The following GEMIN7 variants were observed in gnomAD, a reference collection of about 807,000 sequenced individuals.
GEMIN7 encodes the protein gem-associated protein 7.
In GEMIN7, 7 loss-of-function variants were observed where a neutral mutation model predicts 7.8. The ratio of observed to expected loss-of-function variants is 0.90; its 90% CI spans 0.51 to 1.69. The LOEUF (loss-of-function observed/expected upper bound fraction) is 1.69, where lower values mean the gene tolerates loss of function less well. GEMIN7 is among the 40% of genes most tolerant of loss of function. The pLI, the probability that GEMIN7 is intolerant of heterozygous loss-of-function variation, is 0.00. For missense variants in GEMIN7, 159 were observed against 176.2 expected (o/e 0.90, Z 0.55); for synonymous variants, 68 against 72.4 (o/e 0.94, Z 0.31).
intron 2 of GEMIN7, among the ~76,000 whole-genome samples, chr19:45,086,223 A>G (rs1333513510): frequency 6.6e-6 from 1 of 151,618 alleles, no homozygotes; most frequent in African/African-American, 2.4e-5. Context: ...AGGTGGCACC[A>G]CTGCACTCCG....
At chr19:45,079,712 A>G (rs1263146840) in intron 1 of GEMIN7, among the ~76,000 whole-genome samples, 195 bp from the exon 2 acceptor site, 3 of 152,118 alleles carry the variant, frequency 2.0e-5, no homozygotes. Context: ...AAGGAGAGCA[A>G]TGGGTGGTCA....
At chr19:45,087,424 T>C (rs1194608766) in intron 2 of GEMIN7, among the ~76,000 whole-genome samples, 1 of 152,082 alleles carries the variant, frequency 6.6e-6, no homozygotes, top group Non-Finnish European at 1.5e-5. Flanking sequence ...ATTATAGGCA[T>C]GCGCCGCCAT....
chr19:45,080,095 T>A (rs1032875045), intron 2 of GEMIN7, 66 bp downstream of exon 2: 3 of 152,354 alleles, frequency 2.0e-5, no homozygotes, highest in Middle Eastern at 3.3e-3. Context: ...CAGACTAGTT[T>A]TTCAAGTCGT....
chr19:45,080,298 C>T (rs768323810), intron 2 of GEMIN7, among the ~76,000 whole-genome samples: 1 of 152,108 alleles, frequency 6.6e-6, no homozygotes, highest in Non-Finnish European at 1.5e-5. Context: ...CACAGTCTGC[C>T]TTTCTACATG....
intron 2 of GEMIN7, among the ~76,000 whole-genome samples, chr19:45,086,477 C>T (rs955752861): frequency 1.3e-5 from 2 of 152,158 alleles, no homozygotes; most frequent in African/African-American, 4.8e-5. Context: ...TCCCTATACA[C>T]ATTCAACATC....
upstream of GEMIN7, chr19:45,079,112 G>C (rs1967414671): frequency 6.6e-6 from 1 of 152,256 alleles, no homozygotes. Flanking sequence ...CCGCGGGCCA[G>C]GTGGCGACCC....
intron 1 of GEMIN7, 149 bp downstream of exon 1, chr19:45,079,526 GA>G (rs1967427678): frequency 6.6e-6 from 1 of 152,266 alleles, no homozygotes; most frequent in Admixed American, 6.5e-5. Flanking sequence ...TTCCCCTCCG[GA>G]AAATAATAAA....
chr19:45,083,137 T>C (rs1967557212), intron 2 of GEMIN7, among the ~76,000 whole-genome samples: 1 of 152,056 alleles, frequency 6.6e-6, no homozygotes, highest in African/African-American at 2.4e-5. Flanking sequence ...AAAAATAAAA[T>C]AAAGTTAAAA....
upstream of GEMIN7, among the ~76,000 whole-genome samples, chr19:45,077,864 CTTTT>C (rs879531338): frequency 6.9e-6 from 1 of 145,190 alleles, no homozygotes; most frequent in Non-Finnish European, 1.5e-5. Context: ...TCTGATCACC[CTTTT>C]TTTTTTTGTA....
chr19:45,084,700 C>T (rs1191129879), intron 2 of GEMIN7, among the ~76,000 whole-genome samples: 7 of 152,200 alleles, frequency 4.6e-5, no homozygotes, highest in African/African-American at 1.7e-4. Flanking sequence ...GCCTCAGCCT[C>T]CTGAGTAGGC....
intron 2 of GEMIN7, among the ~76,000 whole-genome samples, chr19:45,089,775 T>G (rs1199964733): frequency 6.6e-6 from 1 of 152,192 alleles, no homozygotes; most frequent in Non-Finnish European, 1.5e-5. Context: ...TGCCTTGGCC[T>G]CCCAAAGGGC....
chr19:45,084,817 G>A lies in GEMIN7; in HGVS notation c.-9+4788G>A, dbSNP rs558730984. On this transcript the variant is annotated intron_variant, in intron 2 of 2. Transcript: ENST00000270257. ...GTTGCCTAGGCTGGAGCGCAATGGC[G>A]CAGTCTCGGCTCACCACAACCTCTG... Among the ~76,000 whole-genome samples, 6 of 152,324 alleles carry A rather than the reference G, an allele frequency of 3.9e-5. No homozygotes were observed. In the South Asian group the frequency reaches 6.2e-4, roughly 16 times the overall value.
At chr19:45,087,653 G>C (rs1461314814) in intron 2 of GEMIN7, among the ~76,000 whole-genome samples, 1 of 152,172 alleles carries the variant, frequency 6.6e-6, no homozygotes, top group Non-Finnish European at 1.5e-5. Context: ...GGGGTGGGGA[G>C]AGCAAGCGTG....
chr19:45,084,339 G>A (rs1485252878), intron 2 of GEMIN7, among the ~76,000 whole-genome samples: 1 of 151,226 alleles, frequency 6.6e-6, no homozygotes, highest in Non-Finnish European at 1.5e-5. Context: ...AGACCAGCCT[G>A]GGCAATATAG....
chr19:45,087,154 T>C (rs946875076), intron 2 of GEMIN7, among the ~76,000 whole-genome samples: 2 of 149,766 alleles, frequency 1.3e-5, no homozygotes, highest in Admixed American at 6.7e-5. Context: ...CAATGTTTGT[T>C]TGTTTTTGAG....
At chr19:45,080,848 A>G (rs1967482077) in intron 2 of GEMIN7, among the ~76,000 whole-genome samples, 1 of 150,846 alleles carries the variant, frequency 6.6e-6, no homozygotes, top group Non-Finnish European at 1.5e-5. Context: ...GGGATTTAAC[A>G]GAATTCTTTG....
chr19:45,076,523 G>A (rs898056165), upstream of GEMIN7: 11 of 526,752 alleles, frequency 2.1e-5, no homozygotes, highest in African/African-American at 2.0e-4. The surrounding 1 kb of genome is among the most constrained non-coding windows in gnomAD (Gnocchi z 4.9). Flanking sequence ...CCGGGCCCGT[G>A]GCTCCGCCTA....
upstream of GEMIN7, among the ~76,000 whole-genome samples, chr19:45,077,455 G>C (rs1390312741): frequency 6.6e-6 from 1 of 152,046 alleles, no homozygotes; most frequent in African/African-American, 2.4e-5. Flanking sequence ...CTCAATCCCT[G>C]ATGAGTATTC....
At chr19:45,088,345 G>A (rs1352978795) in intron 2 of GEMIN7, among the ~76,000 whole-genome samples, 1 of 151,800 alleles carries the variant, frequency 6.6e-6, no homozygotes, top group Non-Finnish European at 1.5e-5. Context: ...TTTTTTCTAA[G>A]ACAAAGTCTC....
Sources: gnomAD v4.1 joint callset for allele counts (sites outside exome capture counted in the v4.1 genomes callset) on GRCh38, gnomAD v4.1.1 for gene constraint, Gnocchi (gnomAD v3.1) non-coding constraint, MANE v1.5 for transcripts, NCBI Gene and HGNC (gene_info 2026-07-23, HGNC 2026-07-21) for gene names.